The following FHOD3 variants were observed in gnomAD, a reference collection of about 807,000 sequenced individuals.
FHOD3 encodes formin homology 2 domain containing 3.
FHOD3 carries 90 observed loss-of-function variants against 173.0 expected under a neutral mutation model. The observed-to-expected ratio is 0.52, with a 90% CI of 0.44 to 0.62. The LOEUF (loss-of-function observed/expected upper bound fraction) is 0.62, where lower values mean the gene tolerates loss of function less well. FHOD3 is among the 20% of genes least tolerant of loss of function. FHOD3 has a pLI of 0.00. For missense variants in FHOD3, 1,945 were observed against 2,034.7 expected, an observed-to-expected ratio of 0.96 and a Z score of 0.85; for synonymous variants, 828 against 823.0, an observed-to-expected ratio of 1.01 and a Z score of -0.10.
intron 1 of FHOD3, among the ~76,000 whole-genome samples, chr18:36,305,549 C>T (rs533930958): frequency 3.9e-5 from 6 of 152,252 alleles, no homozygotes; most frequent in Admixed American, 1.3e-4. Context: ...AATGAAATGC[C>T]AGAGCTGTAA....
rs140298361 is a variant in FHOD3 at position 36,390,768 on chromosome 18, T to A, written c.337+18024T>A. 5.7e-4 allele frequency among the ~76,000 whole-genome samples: 87 copies of A among 152,280 alleles called. 1 individual carries two copies. Among genetic ancestry groups the A allele is most frequent in the African/African-American group, 2.0e-3 (84 of 41,558 alleles). On this transcript the variant is annotated intron_variant, in intron 3 of 28. Transcript: ENST00000590592. ...CAGACCCACACTTAACACATGATGA[T>A]GGTCCTGTTACGCCTGGAGTGATTC...
chr18:36,661,695 A>T (rs113598014), intron 14 of FHOD3, among the ~76,000 whole-genome samples: 1 of 152,204 alleles, frequency 6.6e-6, no homozygotes, highest in Non-Finnish European at 1.5e-5. Context: ...CCCAACAAGT[A>T]TATTCATGTG....
At chr18:36,372,775 A>G (rs1319628709) in intron 3 of FHOD3, 31 bp downstream of exon 3, 2 of 1,593,992 alleles carry the variant, frequency 1.3e-6, no homozygotes, top group Admixed American at 1.7e-5. Context: ...GGAACTAAAC[A>G]TATGATGAAA....
At chr18:36,480,501 A>G (rs952135569) in intron 3 of FHOD3, among the ~76,000 whole-genome samples, 1 of 152,208 alleles carries the variant, frequency 6.6e-6, no homozygotes, top group Non-Finnish European at 1.5e-5. Flanking sequence ...TCTTGCCTAC[A>G]CCTTCAAGGG....
chr18:36,316,647 A>C (rs560616846), intron 1 of FHOD3, among the ~76,000 whole-genome samples: 27 of 152,296 alleles, frequency 1.8e-4, no homozygotes, highest in Admixed American at 3.3e-4. Flanking sequence ...GATGGACCCG[A>C]TAAGGCAAAC....
rs905987164 is a variant in FHOD3 at position 36,763,212 on chromosome 18, T to C, written c.4624+2430T>C. Among the ~76,000 whole-genome samples the C allele has an allele frequency of 8.1e-5, 12 of 148,262 alleles. No individual in the cohort carries two copies. In the South Asian group the frequency reaches 8.4e-4, roughly 10 times the overall value. On this transcript the variant is annotated intron_variant, in intron 27 of 28. Transcript: ENST00000590592. ...ATGTGTATTATATACGTTATATATG[T>C]GTACTATACGTTATATACAATATGC... is the stretch of plus-strand genomic sequence containing the variant.
At chr18:36,444,926 C>T (rs183198334) in intron 3 of FHOD3, among the ~76,000 whole-genome samples, 205 of 152,174 alleles carry the variant, frequency 1.3e-3, no homozygotes, top group African/African-American at 4.1e-3. Flanking sequence ...TGTATTTTCA[C>T]GTTGTTGGAG....
At chr18:36,661,439 A>G (rs1003008968) in intron 14 of FHOD3, among the ~76,000 whole-genome samples, 1 of 152,204 alleles carries the variant, frequency 6.6e-6, no homozygotes, top group African/African-American at 2.4e-5. Context: ...TATATTATCA[A>G]TAATGGTTAC....
intron 4 of FHOD3, among the ~76,000 whole-genome samples, chr18:36,505,453 A>G (rs1412950603): frequency 1.3e-5 from 2 of 152,232 alleles, no homozygotes; most frequent in Non-Finnish European, 2.9e-5. Context: ...GCATGAAGCT[A>G]AAAATGAAGA....
chr18:36,423,251 A>G (rs1267453434), intron 3 of FHOD3, among the ~76,000 whole-genome samples: 2 of 152,258 alleles, frequency 1.3e-5, no homozygotes, highest in Admixed American at 6.5e-5. Flanking sequence ...TATAATTTTT[A>G]TGATTTAATG....
chr18:36,672,698 G>A (rs1478675243), intron 14 of FHOD3, among the ~76,000 whole-genome samples: 1 of 152,216 alleles, frequency 6.6e-6, no homozygotes, highest in Non-Finnish European at 1.5e-5. Flanking sequence ...TTCTTTAAAG[G>A]AGTTGCTGCA....
At chr18:36,549,198 T>A (rs1190103098) in intron 5 of FHOD3, among the ~76,000 whole-genome samples, 1 of 152,240 alleles carries the variant, frequency 6.6e-6, no homozygotes, top group Non-Finnish European at 1.5e-5. Context: ...CTTTTTTATG[T>A]GCTTATTTGC....
intron 3 of FHOD3, among the ~76,000 whole-genome samples, chr18:36,493,947 G>A (rs1474417446): frequency 1.3e-5 from 2 of 152,204 alleles, no homozygotes; most frequent in Admixed American, 1.3e-4. Context: ...GTAATTATTA[G>A]TCTCACAGTT....
At chr18:36,628,718 T>A (rs2034294349) in intron 10 of FHOD3, among the ~76,000 whole-genome samples, 1 of 152,162 alleles carries the variant, frequency 6.6e-6, no homozygotes, top group Admixed American at 6.5e-5. Context: ...GGGGAAAAAA[T>A]CTTAGTGCTA....
chr18:36,298,228 G>A (rs907883097), intron 1 of FHOD3, among the ~76,000 whole-genome samples: 6 of 152,060 alleles, frequency 3.9e-5, no homozygotes, highest in African/African-American at 1.4e-4. Context: ...CTAGAGCCGG[G>A]GGCGGGCGTG....
At chr18:36,704,871 GA>G (rs1384525639) in intron 17 of FHOD3, among the ~76,000 whole-genome samples, 1 of 152,216 alleles carries the variant, frequency 6.6e-6, no homozygotes, top group Non-Finnish European at 1.5e-5. Context: ...GTCTGGGATG[GA>G]AAAACCTCCT....
intron 14 of FHOD3, among the ~76,000 whole-genome samples, chr18:36,668,963 G>A (rs1224099870): frequency 6.6e-6 from 1 of 151,938 alleles, no homozygotes; most frequent in East Asian, 1.9e-4. Context: ...CTGATGTTTT[G>A]GGGTAAAATG....
rs151243060 is a variant in FHOD3 at position 36,431,727 on chromosome 18, A to G, written c.337+58983A>G. 1.0e-3 allele frequency among the ~76,000 whole-genome samples: 153 copies of G among 152,360 alleles called. 1 individual carries two copies. Among genetic ancestry groups the G allele is most frequent in the African/African-American group, 3.2e-3 (135 of 41,586 alleles). On this transcript the variant is annotated intron_variant, in intron 3 of 28. Transcript: ENST00000590592. ...TGGGTTTATCACTATAATTTGGGTT[A>G]TGTAATACTATAAAAGGAAACTGTG...
At chr18:36,592,775 C>T (rs766396432) in intron 6 of FHOD3, among the ~76,000 whole-genome samples, 3 of 151,942 alleles carry the variant, frequency 2.0e-5, no homozygotes, top group Non-Finnish European at 4.4e-5. Context: ...TTGGAGGGAG[C>T]AGGCTGGGAG....
Sources: gnomAD v4.1 joint callset for allele counts (sites outside exome capture counted in the v4.1 genomes callset) on GRCh38, gnomAD v4.1.1 for gene constraint, MANE v1.5 for transcripts, NCBI Gene and HGNC (gene_info 2026-07-23, HGNC 2026-07-21) for gene names.